Variants in STARD13 observed in about 807,000 individuals in gnomAD.
The protein encoded by STARD13 is StAR related lipid transfer domain containing 13, also known as stAR-related lipid transfer protein 13.
STARD13 carries 62 observed loss-of-function variants against 106.4 expected under a neutral mutation model. The ratio of observed to expected loss-of-function variants is 0.58; its 90% CI spans 0.48 to 0.72. STARD13 has a LOEUF of 0.72. Ranked by LOEUF, STARD13 falls within the 30% of genes least tolerant of loss-of-function variation. STARD13 has a pLI of 0.00. For missense variants in STARD13, 1,387 were observed against 1,424.0 expected, an observed-to-expected ratio of 0.97 and a Z score of 0.42; for synonymous variants, 565 against 553.0, an observed-to-expected ratio of 1.02 and a Z score of -0.31.
the STARD13 span, among the ~76,000 whole-genome samples, chr13:33,669,936 TG>T: frequency 2.0e-5 from 3 of 152,214 alleles, no homozygotes; most frequent in Admixed American, 6.5e-5. Flanking sequence ...TTTACACTTG[TG>T]CAGATTTGAA....
the STARD13 span, among the ~76,000 whole-genome samples, chr13:33,398,219 C>A: frequency 3.3e-4 from 50 of 152,312 alleles, no homozygotes; most frequent in Middle Eastern, 3.4e-3. Context: ...TTGCAGTCAG[C>A]CTTAGGTCTG....
the STARD13 span, among the ~76,000 whole-genome samples, chr13:33,434,731 T>C: frequency 2.6e-5 from 4 of 152,328 alleles, no homozygotes; most frequent in East Asian, 7.7e-4. Flanking sequence ...GGCACTTAAC[T>C]TTATTAATAT....
intron 7 of STARD13, 141 bp downstream of exon 7, chr13:33,125,936 TGCTA>T: frequency 1.0e-5 from 8 of 785,854 alleles, no homozygotes; most frequent in Non-Finnish European, 1.4e-5. Flanking sequence ...AATTAAATAT[TGCTA>T]CATAAAGGTC....
the STARD13 span, among the ~76,000 whole-genome samples, chr13:33,632,436 T>C: frequency 2.0e-5 from 3 of 152,338 alleles, no homozygotes; most frequent in South Asian, 6.2e-4. Context: ...ATGAATCATA[T>C]TCAGAATATC....
chr13:33,137,851 C>G (rs190194773), intron 4 of STARD13, among the ~76,000 whole-genome samples: 1 of 148,118 alleles, frequency 6.8e-6, no homozygotes, highest in Admixed American at 6.8e-5. Context: ...TTTCTCTCAT[C>G]TGACTGCTCT....
intron 1 of STARD13, among the ~76,000 whole-genome samples, chr13:33,197,857 G>A (rs904954814): frequency 3.3e-5 from 5 of 152,110 alleles, no homozygotes; most frequent in African/African-American, 1.2e-4. Context: ...CCTTGATGAG[G>A]TCACCAAGGC....
chr13:33,645,747 G>A, the STARD13 span, among the ~76,000 whole-genome samples: 3 of 152,118 alleles, frequency 2.0e-5, no homozygotes, highest in East Asian at 5.8e-4. Context: ...CTTTAGAGTG[G>A]GGTGGCAGAG....
At chr13:33,162,082 C>T (rs61941383) in intron 3 of STARD13, among the ~76,000 whole-genome samples, 1 of 152,168 alleles carries the variant, frequency 6.6e-6, no homozygotes, top group African/African-American at 2.4e-5. Flanking sequence ...ATCATTCCAC[C>T]TCTTGCTCCT....
chr13:33,586,067 G>T, the STARD13 span, among the ~76,000 whole-genome samples: 5 of 151,518 alleles, frequency 3.3e-5, no homozygotes, highest in African/African-American at 1.2e-4. Flanking sequence ...TGATTAAAAA[G>T]GTAAATTTTA....
the STARD13 span, among the ~76,000 whole-genome samples, chr13:33,622,966 G>T: frequency 6.6e-6 from 1 of 151,852 alleles, no homozygotes; most frequent in Non-Finnish European, 1.5e-5. Context: ...GGGTGTGGTG[G>T]CACACGCCTG....
the STARD13 span, among the ~76,000 whole-genome samples, chr13:33,363,431 G>A: frequency 2.6e-5 from 4 of 152,168 alleles, no homozygotes; most frequent in Non-Finnish European, 4.4e-5. Context: ...AATGGGGTGA[G>A]AATTATCAGC....
chr13:33,166,937 C>A (rs542335613), intron 2 of STARD13, among the ~76,000 whole-genome samples: 1 of 148,788 alleles, frequency 6.7e-6, no homozygotes. Context: ...GAGGTTGCAG[C>A]GAGTGGAGAT....
the STARD13 span, among the ~76,000 whole-genome samples, chr13:33,609,635 C>T: frequency 6.6e-6 from 1 of 150,656 alleles, no homozygotes; most frequent in Admixed American, 6.6e-5. Flanking sequence ...GGCAGGACCT[C>T]GGCTCACTGC....
chr13:33,128,871 C>G, intron 5 of STARD13, 58 bp downstream of exon 5: 1 of 1,514,850 alleles, frequency 6.6e-7, no homozygotes, highest in East Asian at 2.3e-5. Context: ...AAGAAATAAA[C>G]AGAACACAAT....
chr13:33,510,921 T>C, the STARD13 span, among the ~76,000 whole-genome samples: 1 of 152,190 alleles, frequency 6.6e-6, no homozygotes, highest in Non-Finnish European at 1.5e-5. Flanking sequence ...ACAAGCCAAA[T>C]AATCCTAACA....
the STARD13 span, among the ~76,000 whole-genome samples, chr13:33,390,452 G>A: frequency 6.6e-5 from 10 of 152,296 alleles, no homozygotes; most frequent in African/African-American, 2.4e-4. Context: ...AAGAGCACCA[G>A]CTCTATCTTG....
the STARD13 span, among the ~76,000 whole-genome samples, chr13:33,383,476 G>A: frequency 2.0e-5 from 3 of 152,218 alleles, no homozygotes; most frequent in East Asian, 5.8e-4. Flanking sequence ...GGGTGCAGTG[G>A]CTCACACCTG....
At chr13:33,469,034 G>A in the STARD13 span, among the ~76,000 whole-genome samples, 3 of 152,192 alleles carry the variant, frequency 2.0e-5, no homozygotes, top group Non-Finnish European at 4.4e-5. Flanking sequence ...TATTGTAGTT[G>A]TGTTATTGTA....
At chr13:33,269,965 G>C (rs1378122814) in intron 1 of STARD13, among the ~76,000 whole-genome samples, 1 of 152,236 alleles carries the variant, frequency 6.6e-6, no homozygotes, top group Non-Finnish European at 1.5e-5. Context: ...GCTGGACACA[G>C]TGGTTCACAC....
Sources: allele counts gnomAD v4.1 joint callset (sites outside exome capture counted in the v4.1 genomes callset), GRCh38; gene constraint gnomAD v4.1.1; transcripts MANE v1.5; gene names NCBI Gene and HGNC (gene_info 2026-07-23, HGNC 2026-07-21).